The following PPM1G variants were observed in gnomAD, a reference collection of about 807,000 sequenced individuals.
PPM1G encodes the protein protein phosphatase, Mg2+/Mn2+ dependent 1G, also known as protein phosphatase 1G.
A neutral mutation model predicts 59.4 loss-of-function variants in PPM1G; 12 were observed. That is an observed-to-expected ratio of 0.20 (90% CI 0.13 to 0.33). PPM1G has a LOEUF of 0.33. PPM1G is among the 10% of genes least tolerant of loss of function. The pLI, the probability that PPM1G is intolerant of heterozygous loss-of-function variation, is 1.00. For missense variants in PPM1G, 392 were observed against 681.3 expected (o/e 0.58, Z 4.73); for synonymous variants, 245 against 251.9 (o/e 0.97, Z 0.26).
intron 1 of PPM1G, among the ~76,000 whole-genome samples, chr2:27,389,251 TAC>T (rs931494272): frequency 1.3e-5 from 2 of 152,046 alleles, no homozygotes; most frequent in East Asian, 1.9e-4. Context: ...TATATATATA[TAC>T]ACACACACAT....
Position 27,383,237 on chromosome 2 carries a change from A to G in PPM1G, c.1201+129T>C. ...CATCTTAGTTATTTCACAGAAATAT[A>G]AGAACAGAGGTAGTAGATATTAAAG... On this transcript the variant is annotated intron_variant, in intron 7 of 9. Transcript: ENST00000344034. This position sits in a 1 kb window ranked among gnomAD's most constrained non-coding sequence, Gnocchi z 5.0. 1 of 733,516 alleles carries G rather than the reference A, an allele frequency of 1.4e-6. No individual in the cohort carries two copies. The allele number at this position is 733,516 out of a possible 1,614,324, so 45.4% of individuals were successfully genotyped here. A position where few individuals can be genotyped will look rare whatever the true frequency, so the allele number is the denominator to read the frequency against.
chr2:27,383,314 C>T lies in PPM1G; in HGVS notation c.1201+52G>A. On this transcript the variant is annotated intron_variant, in intron 7 of 9. Transcript: ENST00000344034. This position sits in a 1 kb window ranked among gnomAD's most constrained non-coding sequence, Gnocchi z 5.0. ...AGATTAAAGTTTGCTACTAGGTAGT[C>T]TGGGACAGAGAGAAAGACCCTAGAA... 6.4e-7 allele frequency: 1 copy of T among 1,551,058 alleles called. No individual in the cohort carries two copies. Among genetic ancestry groups the T allele is most frequent in the South Asian group, 1.1e-5 (1 of 89,324 alleles).
In PPM1G at chr2:27,383,357, G is replaced by A. The variant is rs369564072; in HGVS notation, c.1201+9C>T. 123 of 1,611,358 alleles carry A rather than the reference G, an allele frequency of 7.6e-5. No homozygotes were observed. Among genetic ancestry groups the A allele is most frequent in the Non-Finnish European group, 1.0e-4 (121 of 1,177,692 alleles). On this transcript the variant is annotated intron_variant, in intron 7 of 9. Transcript: ENST00000344034. The surrounding 1 kb of genome is among the most constrained non-coding windows in gnomAD (Gnocchi z 5.0). ...CCCTAGAAGTCTTTCCCAGTTTCTT[G>A]GCCCTTACCAATGGCTCTGGAGAGG... is the stretch of plus-strand genomic sequence containing the variant.
chr2:27,403,913 TTTAG>T (rs1684240772), intron 1 of PPM1G, among the ~76,000 whole-genome samples: 1 of 151,576 alleles, frequency 6.6e-6, no homozygotes, highest in African/African-American at 2.4e-5. Flanking sequence ...TCTGACCTGG[TTTAG>T]TAAGTAAAAA....
intron 1 of PPM1G, among the ~76,000 whole-genome samples, chr2:27,387,494 AG>A (rs1683797316): frequency 6.6e-6 from 1 of 152,004 alleles, no homozygotes; most frequent in African/African-American, 2.4e-5. Context: ...ACCAGAATAA[AG>A]GATTTTTTCT....
rs1160196948 is a variant in PPM1G, at chr2:27,383,881, A to G, written c.966+71T>C. 12 of 1,540,488 alleles carry G rather than the reference A, an allele frequency of 7.8e-6. No individual in the cohort carries two copies. The East Asian group carries it at 2.7e-4, about 34-fold the overall frequency. ...AAGTATCAGGGGGATCCCCTGTCTC[A>G]AAATCAAAATTAGGGGATTCACACC... is the stretch of plus-strand genomic sequence containing the variant. On this transcript the variant is annotated intron_variant, in intron 6 of 9. Coordinates refer to ENST00000344034, the MANE Select transcript of PPM1G (RefSeq NM_177983.3). The surrounding 1 kb of genome is among the most constrained non-coding windows in gnomAD (Gnocchi z 5.0).
At chr2:27,403,062 G>A (rs960893827) in intron 1 of PPM1G, among the ~76,000 whole-genome samples, 2 of 152,170 alleles carry the variant, frequency 1.3e-5, no homozygotes, top group African/African-American at 4.8e-5. Flanking sequence ...AGGATGTGAA[G>A]GAACCGGCAC....
Position 27,390,663 on chromosome 2 carries a change from T to C in PPM1G, c.121-3505A>G, listed in dbSNP as rs866724202. ...TGTCAGTTTTTTTTTTATTTTTCAA[T>C]GTTTATTTTAGAATCACAGAATACA... On this transcript the variant is annotated intron_variant, in intron 1 of 9. Coordinates refer to ENST00000344034, the MANE Select transcript of PPM1G (RefSeq NM_177983.3). 2.6e-5 allele frequency among the ~76,000 whole-genome samples: 4 copies of C among 152,298 alleles called. No individual in the cohort carries two copies. In the South Asian group the frequency reaches 8.3e-4, roughly 32 times the overall value.
intron 1 of PPM1G, among the ~76,000 whole-genome samples, chr2:27,399,325 G>C (rs1468030082): frequency 6.6e-6 from 1 of 152,124 alleles, no homozygotes; most frequent in Non-Finnish European, 1.5e-5. Flanking sequence ...CAAAGACTTT[G>C]AACAGACATT....
At chr2:27,387,282 G>A in intron 1 of PPM1G, 124 bp from the exon 2 acceptor site, 106 of 646,618 alleles carry the variant, frequency 1.6e-4, no homozygotes, top group South Asian at 3.2e-4. Flanking sequence ...AAATAAGAAA[G>A]GAAGAAGGAA....
chr2:27,407,401 C>T (rs1196725988), intron 1 of PPM1G, among the ~76,000 whole-genome samples: 1 of 151,748 alleles, frequency 6.6e-6, no homozygotes, highest in African/African-American at 2.4e-5. Flanking sequence ...GTAACTGGGA[C>T]TACAGGTGGG....
At chr2:27,388,913 G>C (rs1172400012) in intron 1 of PPM1G, among the ~76,000 whole-genome samples, 2 of 145,290 alleles carry the variant, frequency 1.4e-5, no homozygotes, top group Non-Finnish European at 3.1e-5. Flanking sequence ...GTATATGTGA[G>C]TCTGGAAGAT....
chr2:27,396,618 C>T (rs1026620904), intron 1 of PPM1G, among the ~76,000 whole-genome samples: 4 of 151,862 alleles, frequency 2.6e-5, no homozygotes, highest in African/African-American at 4.8e-5. Context: ...AGTTAGAGAC[C>T]AGCCTGGTCA....
intron 1 of PPM1G, among the ~76,000 whole-genome samples, chr2:27,397,175 A>G (rs965215767): frequency 1.3e-5 from 2 of 152,142 alleles, no homozygotes; most frequent in African/African-American, 2.4e-5. Flanking sequence ...AGCCACAATG[A>G]AAATTTTTAA....
Position 27,381,299 on chromosome 2 carries a change from T to C in PPM1G, c.*300A>G, listed in dbSNP as rs1315690864. 2 of 465,504 alleles carry C rather than the reference T, an allele frequency of 4.3e-6. No individual in the cohort carries two copies. Among genetic ancestry groups the C allele is most frequent in the Non-Finnish European group, 7.8e-6 (2 of 255,884 alleles). 28.8% of individuals were successfully genotyped at this position (465,504 alleles called of 1,614,324 possible). A position where few individuals can be genotyped will look rare whatever the true frequency, so the allele number is the denominator to read the frequency against. ...CCATGGAGCCGCCAATAAAAAAGAA[T>C]GTCCTTAAATAAAGTTCACAGAGTA... On this transcript the variant is annotated 3_prime_UTR_variant, in exon 10 of 10. Transcript: ENST00000344034.
chr2:27,408,594 C>T (rs1572671974), intron 1 of PPM1G, among the ~76,000 whole-genome samples: 1 of 126,708 alleles, frequency 7.9e-6, no homozygotes, highest in African/African-American at 3.1e-5. Context: ...CAATTACAGG[C>T]AAATGAGAAT....
rs1271448334 is a variant in PPM1G at position 27,381,579 on chromosome 2, G to C, written c.*20C>G. On this transcript the variant is annotated 3_prime_UTR_variant, in exon 10 of 10. Coordinates refer to ENST00000344034, the MANE Select transcript of PPM1G (RefSeq NM_177983.3). The stretch of plus-strand genomic sequence containing the variant: ...GAGGGCTCAGAAAACAGTCTAGGTG[G>C]GCAGGGGTCTGGATGACTGCTAGTC... 1 of 1,613,852 alleles carries C rather than the reference G, an allele frequency of 6.2e-7. No homozygotes were observed. The highest frequency in any genetic ancestry group is 1.3e-5 in the African/African-American group (1 of 75,012).
At chr2:27,388,646 C>T (rs995547676) in intron 1 of PPM1G, among the ~76,000 whole-genome samples, 1 of 151,968 alleles carries the variant, frequency 6.6e-6, no homozygotes, top group African/African-American at 2.4e-5. Context: ...GAGGCCCAGG[C>T]AGGCGGATCA....
chr2:27,404,383 C>G (rs1296476336), intron 1 of PPM1G, among the ~76,000 whole-genome samples: 1 of 150,626 alleles, frequency 6.6e-6, no homozygotes, highest in African/African-American at 2.4e-5. Flanking sequence ...CCTGTCTCCA[C>G]TAAAAATACA....
Sources: allele counts gnomAD v4.1 joint callset (sites outside exome capture counted in the v4.1 genomes callset), GRCh38; gene constraint gnomAD v4.1.1; non-coding constraint Gnocchi (gnomAD v3.1); transcripts MANE v1.5; gene names NCBI Gene and HGNC (gene_info 2026-07-23, HGNC 2026-07-21).